KATNAL1: variants seen among roughly 807,000 people sequenced by gnomAD.
KATNAL1 encodes the protein katanin catalytic subunit A1 like 1, also known as katanin p60 ATPase-containing subunit A-like 1.
A neutral mutation model predicts 55.2 loss-of-function variants in KATNAL1; 32 were observed. That is an observed-to-expected ratio of 0.58 (90% CI 0.44 to 0.78). The LOEUF (loss-of-function observed/expected upper bound fraction) is 0.78. Ranked by LOEUF, KATNAL1 falls within the 30% of genes least tolerant of loss-of-function variation. The pLI is 0.00. For synonymous variants in KATNAL1, 193 were observed against 193.6 expected (o/e 1.00, Z 0.02); for missense variants, 466 against 600.9 (o/e 0.78, Z 2.35).
At chr13:30,237,087 C>T (rs762314746) in intron 6 of KATNAL1, among the ~76,000 whole-genome samples, 3 of 152,206 alleles carry the variant, frequency 2.0e-5, no homozygotes, top group Non-Finnish European at 2.9e-5. Flanking sequence ...TCAACAAATA[C>T]TGCACTTACC....
At chr13:30,235,929 A>G (rs1046466572) in intron 6 of KATNAL1, among the ~76,000 whole-genome samples, 53 of 152,328 alleles carry the variant, frequency 3.5e-4, no homozygotes, top group African/African-American at 1.2e-3. Flanking sequence ...TATTTTGTAT[A>G]TGTATTGTAT....
In KATNAL1 at chr13:30,230,453, T is replaced by C. The variant is rs749348983; in HGVS notation, c.1012+15A>G. 4.4e-6 allele frequency: 7 copies of C among 1,600,648 alleles called. No homozygotes were observed. In the Admixed American group the frequency reaches 8.7e-5, roughly 20 times the overall value. On this transcript the variant is annotated intron_variant, in intron 8 of 10. Coordinates refer to ENST00000380615, the MANE Select transcript of KATNAL1 (RefSeq NM_032116.5). ...AAAAATGAGAGTTTTGAAACAATAATTAAATATCAATTACCATCCATCTGA... is the reference window on the plus strand; with the variant it reads ...AAAAATGAGAGTTTTGAAACAATAACTAAATATCAATTACCATCCATCTGA...
In KATNAL1 at chr13:30,208,585, G is replaced by C. The variant is rs758657854; in HGVS notation, c.1428C>G (p.Asp476Glu). 1 of 1,610,448 alleles carries C rather than the reference G, an allele frequency of 6.2e-7. No homozygotes were observed. Among genetic ancestry groups the C allele is most frequent in the South Asian group, 1.1e-5 (1 of 89,870 alleles). Reference protein sequence around the residue: ...KKIAKSVSAADLEKYEKWMVE... With the variant: ...KKIAKSVSAAELEKYEKWMVE... ...CCATCCATTTTTCATACTTCTCCAA[G>C]TCTGCAGCAGAGACAGACTTAGCAA... Residue 476 changes from aspartate to glutamate, a missense_variant, in exon 11 of 11, where the codon GAC (aspartate) becomes GAG (glutamate). Around this residue, in one of 3 missense-constraint regions of KATNAL1, gnomAD observed 213 missense variants for 308.6 expected, o/e 0.69. Transcript: ENST00000380615.
At chr13:30,267,512 T>G (rs1879869669) in intron 3 of KATNAL1, among the ~76,000 whole-genome samples, 1 of 152,244 alleles carries the variant, frequency 6.6e-6, no homozygotes. Flanking sequence ...TCTGTTCACA[T>G]AAACCCTACA....
Position 30,269,543 on chromosome 13 carries a change from C to T in KATNAL1, c.323+10520G>A, listed in dbSNP as rs1042660675. ...CTGCCTGGCTGCCCATCGTCTGGGA[C>T]GTGAGGAGCCCCTCTGCCTGGCTGC... On this transcript the variant is annotated intron_variant, in intron 3 of 10. Transcript: ENST00000380615. 9.6e-5 allele frequency among the ~76,000 whole-genome samples: 14 copies of T among 145,678 alleles called. No homozygotes were observed. In the East Asian group the frequency reaches 2.7e-3, roughly 28 times the overall value.
chr13:30,250,717 A>G (rs1878216953), intron 4 of KATNAL1, among the ~76,000 whole-genome samples: 1 of 152,244 alleles, frequency 6.6e-6, no homozygotes, highest in Admixed American at 6.5e-5. Context: ...CAACTTTAAA[A>G]TGAATTCAGA....
chr13:30,224,795 T>C (rs1451802010), intron 9 of KATNAL1, among the ~76,000 whole-genome samples: 2 of 152,184 alleles, frequency 1.3e-5, no homozygotes, highest in African/African-American at 4.8e-5. Flanking sequence ...AAATGAGCCA[T>C]CACTACAGAT....
Position 30,257,415 on chromosome 13 carries a change from A to T in KATNAL1, c.324-1800T>A, listed in dbSNP as rs532803709. The stretch of plus-strand genomic sequence containing the variant: ...TTTTCTTTGTGGTCCTGCTTTTTAG[A>T]CTCAAGAGCTAGCCAGAGCCTCTGC... On this transcript the variant is annotated intron_variant, in intron 3 of 10. Transcript: ENST00000380615. Among the ~76,000 whole-genome samples, 3 of 152,228 alleles carry T rather than the reference A, an allele frequency of 2.0e-5. No individual in the cohort carries two copies. The East Asian group carries it at 5.8e-4, about 29-fold the overall frequency.
Position 30,205,709 on chromosome 13 carries a change from C to T in KATNAL1, c.*2831G>A, listed in dbSNP as rs1048781521. 4 of 149,644 alleles carry T rather than the reference C, an allele frequency of 2.7e-5. No individual in the cohort carries two copies. The highest frequency in any genetic ancestry group is 1.0e-4 in the African/African-American group (4 of 39,348). The allele number at this position is 149,644 out of a possible 1,614,324, so 9.3% of individuals were successfully genotyped here. A position where few individuals can be genotyped will look rare whatever the true frequency, so the allele number is the denominator to read the frequency against. Reference sequence around the variant, plus strand: ...GTGGCTCACGCCTGTAATCCAAGCACTCATTCTGGTAAGGCAACACACTGT... The same window carrying T: ...GTGGCTCACGCCTGTAATCCAAGCATTCATTCTGGTAAGGCAACACACTGT... On this transcript the variant is annotated 3_prime_UTR_variant, in exon 11 of 11. Coordinates refer to ENST00000380615, the MANE Select transcript of KATNAL1 (RefSeq NM_032116.5).
chr13:30,262,921 G>C (rs1457442692), intron 3 of KATNAL1, among the ~76,000 whole-genome samples: 11 of 152,128 alleles, frequency 7.2e-5, no homozygotes, highest in Admixed American at 7.2e-4. Flanking sequence ...ACCCAAAAAA[G>C]AGAATTTCAG....
chr13:30,287,639 T>C (rs1016157079), intron 1 of KATNAL1, among the ~76,000 whole-genome samples: 1 of 152,260 alleles, frequency 6.6e-6, no homozygotes, highest in African/African-American at 2.4e-5. Context: ...CAAAGTGTCA[T>C]CTTCAAATTT....
rs944203348 is a variant in KATNAL1 at position 30,206,439 on chromosome 13, C to G, written c.*2101G>C. On this transcript the variant is annotated 3_prime_UTR_variant, in exon 11 of 11. Transcript: ENST00000380615. The stretch of plus-strand genomic sequence containing the variant: ...AGGGAAATAAAAAGCACACCTGACT[C>G]ACTTAACATAGTAAAGTTAGGCTCC... The G allele has an allele frequency of 4.6e-5, 7 of 152,110 alleles. No homozygotes were observed. Among genetic ancestry groups the G allele is most frequent in the African/African-American group, 1.7e-4 (7 of 41,420 alleles). The allele number at this position is 152,110 out of a possible 1,614,324, so 9.4% of individuals were successfully genotyped here. A position where few individuals can be genotyped will look rare whatever the true frequency, so the allele number is the denominator to read the frequency against.
intron 10 of KATNAL1, 86 bp from the exon 11 acceptor site, chr13:30,208,824 C>G: frequency 1.1e-6 from 1 of 932,332 alleles, no homozygotes; most frequent in Non-Finnish European, 1.6e-6. Context: ...AAAAAAAAAT[C>G]AAAAGATTAT....
intron 3 of KATNAL1, among the ~76,000 whole-genome samples, chr13:30,271,878 G>GAAAAAAAAAAAAAAAAAAAAAAAAAA (rs71299873): frequency 1.0e-4 from 8 of 76,790 alleles, no homozygotes; most frequent in East Asian, 4.0e-4. Flanking sequence ...AAGAAAAGAG[G>GAAAAAAAAAAAAAAAAAAAAAAAAAA]AAAAAAAAAA....
chr13:30,274,692 A>G (rs1429022918), intron 3 of KATNAL1, among the ~76,000 whole-genome samples: 6 of 152,166 alleles, frequency 3.9e-5, no homozygotes, highest in East Asian at 1.9e-4. Context: ...AAATAGAACT[A>G]CCTTATGATC....
intron 3 of KATNAL1, among the ~76,000 whole-genome samples, chr13:30,259,471 T>C (rs928649587): frequency 6.6e-6 from 1 of 152,140 alleles, no homozygotes; most frequent in African/African-American, 2.4e-5. Context: ...TGGGTTCATC[T>C]CACTAGGGAG....
intron 9 of KATNAL1, among the ~76,000 whole-genome samples, chr13:30,213,787 G>C (rs1222728493): frequency 6.6e-6 from 1 of 152,136 alleles, no homozygotes; most frequent in East Asian, 1.9e-4. Flanking sequence ...AATAATAAGA[G>C]CTACCTATGA....
Position 30,203,419 on chromosome 13 carries a change from A to G in KATNAL1, c.*5121T>C, listed in dbSNP as rs1160556112. 6.6e-6 allele frequency: 1 copy of G among 152,208 alleles called. No homozygotes were observed. Among genetic ancestry groups the G allele is most frequent in the Non-Finnish European group, 1.5e-5 (1 of 68,026 alleles). The allele number at this position is 152,208 out of a possible 1,614,324, so 9.4% of individuals were successfully genotyped here. Reference sequence around the variant, plus strand: ...GTAGACTCTGGGAATTACACGTGCAAAGAGTCAGGTTTTCCAAAGGGCGAT... The same window carrying G: ...GTAGACTCTGGGAATTACACGTGCAGAGAGTCAGGTTTTCCAAAGGGCGAT... On this transcript the variant is annotated 3_prime_UTR_variant, in exon 11 of 11. Coordinates refer to ENST00000380615, the MANE Select transcript of KATNAL1 (RefSeq NM_032116.5).
chr13:30,252,951 T>C (rs1878460450), intron 4 of KATNAL1, among the ~76,000 whole-genome samples: 1 of 152,194 alleles, frequency 6.6e-6, no homozygotes, highest in Admixed American at 6.5e-5. Context: ...TACACTATGT[T>C]GCCCAGGCTG....
Sources: allele counts gnomAD v4.1 joint callset (sites outside exome capture counted in the v4.1 genomes callset), GRCh38; gene constraint gnomAD v4.1.1; regional missense constraint gnomAD v4.1.1; transcripts MANE v1.5; gene names NCBI Gene and HGNC (gene_info 2026-07-23, HGNC 2026-07-21).